Variants in PTH2R observed in about 807,000 individuals in gnomAD.
The protein encoded by PTH2R is parathyroid hormone 2 receptor.
A neutral mutation model predicts 60.3 loss-of-function variants in PTH2R; 59 were observed. The ratio of observed to expected loss-of-function variants is 0.98; its 90% confidence interval spans 0.79 to 1.22. The LOEUF is 1.22. Among genes scored for constraint, PTH2R ranks in the 50% most tolerant of loss-of-function variants. The pLI is 0.00. For missense variants in PTH2R, 749 were observed against 682.6 expected (o/e 1.10, Z -1.08); for synonymous variants, 256 against 243.8 (o/e 1.05, Z -0.47).
intron 1 of PTH2R, among the ~76,000 whole-genome samples, chr2:208,383,549 A>C (rs1700952640): frequency 6.6e-6 from 1 of 152,236 alleles, no homozygotes; most frequent in Non-Finnish European, 1.5e-5. Flanking sequence ...TCACAACTCC[A>C]ACAGTTCTCC....
At chr2:208,432,023 C>T (rs1478930371) in intron 2 of PTH2R, among the ~76,000 whole-genome samples, 1 of 152,180 alleles carries the variant, frequency 6.6e-6, no homozygotes, top group African/African-American at 2.4e-5. Context: ...AAGGGAATCA[C>T]TCGTGCAACT....
intron 1 of PTH2R, among the ~76,000 whole-genome samples, chr2:208,389,036 A>G (rs1391917064): frequency 6.6e-6 from 1 of 152,156 alleles, no homozygotes; most frequent in Admixed American, 6.6e-5. Flanking sequence ...TTATCAAGAG[A>G]TTCTAATTAG....
intron 8 of PTH2R, among the ~76,000 whole-genome samples, chr2:208,453,878 A>G (rs1702457533): frequency 6.6e-6 from 1 of 152,238 alleles, no homozygotes; most frequent in Admixed American, 6.5e-5. Flanking sequence ...TTAGACAAAC[A>G]ATAAATGTTA....
Position 208,432,788 on chromosome 2 carries a change from A to C in PTH2R, c.178+4485A>C, listed in dbSNP as rs992123945. Among the ~76,000 whole-genome samples, 160 of 152,314 alleles carry C rather than the reference A, an allele frequency of 1.1e-3. 1 individual carries two copies. Among genetic ancestry groups the C allele is most frequent in the African/African-American group, 3.7e-3 (154 of 41,574 alleles). On this transcript the variant is annotated intron_variant, in intron 2 of 12. Coordinates refer to ENST00000272847, the MANE Select transcript of PTH2R (RefSeq NM_005048.4). ...GGAGTCTGATGTCCAAGGATAGGATAAATGGATGGAAGCATCCAGCACAGG... is the reference window on the plus strand; with the variant it reads ...GGAGTCTGATGTCCAAGGATAGGATCAATGGATGGAAGCATCCAGCACAGG...
chr2:208,487,847 G>C (rs2105910703), intron 10 of PTH2R, among the ~76,000 whole-genome samples: 1 of 152,308 alleles, frequency 6.6e-6, no homozygotes, highest in East Asian at 1.9e-4. Context: ...CAGTATAGCA[G>C]CTCACAACAT....
At chr2:208,453,498 C>G (rs1702449141) in intron 8 of PTH2R, among the ~76,000 whole-genome samples, 1 of 152,128 alleles carries the variant, frequency 6.6e-6, no homozygotes, top group African/African-American at 2.4e-5. Flanking sequence ...TCTAAATGTG[C>G]AAGTGTAACT....
intron 1 of PTH2R, among the ~76,000 whole-genome samples, chr2:208,390,678 C>T (rs1341942438): frequency 1.3e-5 from 2 of 152,110 alleles, no homozygotes; most frequent in Non-Finnish European, 2.9e-5. Flanking sequence ...AATTGAGATT[C>T]TCTGTCTGAT....
chr2:208,377,567 G>A (rs1700822645), intron 1 of PTH2R, among the ~76,000 whole-genome samples: 1 of 147,816 alleles, frequency 6.8e-6, no homozygotes, highest in African/African-American at 2.6e-5. Context: ...CTGCCTCTGG[G>A]ACGGGGCGGC....
At chr2:208,458,728 C>G (rs186150346) in intron 8 of PTH2R, among the ~76,000 whole-genome samples, 6 of 152,244 alleles carry the variant, frequency 3.9e-5, no homozygotes, top group Non-Finnish European at 7.4e-5. Flanking sequence ...TGTTAGTTTG[C>G]TAAGGATGAT....
intron 2 of PTH2R, among the ~76,000 whole-genome samples, chr2:208,431,684 C>G (rs1380673958): frequency 5.9e-5 from 9 of 152,186 alleles, no homozygotes; most frequent in Non-Finnish European, 5.9e-5. Flanking sequence ...TCTTGCCCAC[C>G]CACTTAGTGG....
intron 9 of PTH2R, among the ~76,000 whole-genome samples, chr2:208,460,206 T>C (rs995911698): frequency 6.6e-6 from 1 of 152,150 alleles, no homozygotes; most frequent in Non-Finnish European, 1.5e-5. Flanking sequence ...TCAAAATATC[T>C]ATGAGCATTT....
intron 1 of PTH2R, among the ~76,000 whole-genome samples, chr2:208,399,214 A>G (rs1701264343): frequency 1.3e-5 from 2 of 152,140 alleles, no homozygotes; most frequent in South Asian, 4.1e-4. Context: ...CATTCCTAGT[A>G]AATACTTAGT....
intron 1 of PTH2R, among the ~76,000 whole-genome samples, chr2:208,365,953 TATA>T (rs1700579693): frequency 4.7e-5 from 1 of 21,218 alleles, no homozygotes; most frequent in Non-Finnish European, 9.2e-5. Context: ...TATATATATA[TATA>T]TATATTTTTT....
chr2:208,395,474 G>A (rs560839882), intron 1 of PTH2R, among the ~76,000 whole-genome samples: 5 of 152,144 alleles, frequency 3.3e-5, no homozygotes, highest in Non-Finnish European at 5.9e-5. Flanking sequence ...GCTCACCAGC[G>A]GTGTGGTAGC....
chr2:208,391,113 C>G (rs2125882563), intron 1 of PTH2R, among the ~76,000 whole-genome samples: 1 of 152,152 alleles, frequency 6.6e-6, no homozygotes, highest in East Asian at 1.9e-4. Flanking sequence ...AGAGCCTTCA[C>G]CTGTACCAAA....
intron 1 of PTH2R, among the ~76,000 whole-genome samples, chr2:208,427,910 A>G (rs1318141672): frequency 6.6e-6 from 1 of 151,164 alleles, no homozygotes; most frequent in African/African-American, 2.4e-5. Flanking sequence ...TTCTTAGTAT[A>G]ATATCTCTTT....
chr2:208,380,796 G>T (rs146167237), intron 1 of PTH2R, among the ~76,000 whole-genome samples: 12 of 152,198 alleles, frequency 7.9e-5, no homozygotes, highest in Admixed American at 7.8e-4. Flanking sequence ...CATCAGGTAG[G>T]GACTGTTAGC....
chr2:208,400,941 G>C (rs1270681556), intron 1 of PTH2R, among the ~76,000 whole-genome samples: 1 of 152,084 alleles, frequency 6.6e-6, no homozygotes, highest in Non-Finnish European at 1.5e-5. Context: ...TTTCATAGTA[G>C]ACCTCAATAT....
At chr2:208,469,050 T>G (rs1467802453) in intron 9 of PTH2R, among the ~76,000 whole-genome samples, 1 of 152,220 alleles carries the variant, frequency 6.6e-6, no homozygotes, top group East Asian at 1.9e-4. Flanking sequence ...AGGAGAAAAC[T>G]ACAGCTCACG....
Sources: gnomAD v4.1 joint callset for allele counts (sites outside exome capture counted in the v4.1 genomes callset) on GRCh38, gnomAD v4.1.1 for gene constraint, MANE v1.5 for transcripts, NCBI Gene and HGNC (gene_info 2026-07-23, HGNC 2026-07-21) for gene names.